SPATA16: variants seen among roughly 807,000 people sequenced by gnomAD.
The protein encoded by SPATA16 is spermatogenesis-associated protein 16.
Under a neutral mutation model 63.3 loss-of-function variants are expected in SPATA16, and 36 were observed. The observed-to-expected ratio is 0.57, with a 90% CI of 0.44 to 0.75. The LOEUF is 0.75. SPATA16 is among the 30% of genes least tolerant of loss of function. SPATA16 has a pLI of 0.00. For missense variants in SPATA16, 646 were observed against 679.3 expected (o/e 0.95, Z 0.54); for synonymous variants, 203 against 216.7 (o/e 0.94, Z 0.56).
At chr3:173,113,732 G>A (rs908020514) in intron 2 of SPATA16, among the ~76,000 whole-genome samples, 1 of 152,200 alleles carries the variant, frequency 6.6e-6, no homozygotes, top group Admixed American at 6.5e-5. Flanking sequence ...AGATGCATTG[G>A]AAATTGTTAT....
intron 3 of SPATA16, among the ~76,000 whole-genome samples, chr3:173,038,869 A>G (rs751355566): frequency 3.9e-5 from 6 of 152,186 alleles, no homozygotes; most frequent in Non-Finnish European, 8.8e-5. Context: ...ATATCATTTG[A>G]CACCTTTCAC....
intron 6 of SPATA16, among the ~76,000 whole-genome samples, chr3:172,949,812 T>A (rs1290164380): frequency 2.6e-5 from 4 of 152,066 alleles, no homozygotes; most frequent in African/African-American, 9.7e-5. Flanking sequence ...AAGAGACTCA[T>A]CAATTCATGA....
intron 3 of SPATA16, among the ~76,000 whole-genome samples, chr3:173,033,565 A>C (rs1173007343): frequency 6.6e-6 from 1 of 152,144 alleles, no homozygotes; most frequent in Non-Finnish European, 1.5e-5. Context: ...CCAAAGATGT[A>C]GATGTAAGGC....
chr3:172,977,979 TAA>T (rs959853805), intron 4 of SPATA16, among the ~76,000 whole-genome samples: 3 of 152,188 alleles, frequency 2.0e-5, no homozygotes, highest in Non-Finnish European at 4.4e-5. Context: ...TTTCTAAATA[TAA>T]GTTGTATAAG....
intron 3 of SPATA16, among the ~76,000 whole-genome samples, chr3:173,023,434 A>G (rs1174363084): frequency 2.0e-5 from 3 of 152,030 alleles, no homozygotes; most frequent in Non-Finnish European, 2.9e-5. Context: ...TTTAATTTCC[A>G]GAAGGGAAAC....
intron 10 of SPATA16, among the ~76,000 whole-genome samples, chr3:172,910,063 T>C (rs116467236): frequency 6.6e-6 from 1 of 151,552 alleles, no homozygotes; most frequent in South Asian, 2.1e-4. Context: ...TTGGGAGAGG[T>C]AATGCTCTAC....
At chr3:172,952,146 A>G (rs1313371147) in intron 6 of SPATA16, among the ~76,000 whole-genome samples, 1 of 152,158 alleles carries the variant, frequency 6.6e-6, no homozygotes, top group Non-Finnish European at 1.5e-5. Context: ...AGTGTGAGGT[A>G]GAGGAATAGA....
rs1001012067 is a variant in SPATA16, at chr3:172,932,904, C to T, written c.1082-7412G>A. 4.6e-5 allele frequency among the ~76,000 whole-genome samples: 7 copies of T among 152,194 alleles called. No homozygotes were observed. In the East Asian group the frequency reaches 1.2e-3, roughly 25 times the overall value. On this transcript the variant is annotated intron_variant, in intron 6 of 10. Coordinates refer to ENST00000351008, the MANE Select transcript of SPATA16 (RefSeq NM_031955.6). Reference sequence around the variant, plus strand: ...CTAATTTTCACTTCAGGCTGGTGGTCTACTTCTCCAAGATCAATTTTTGTA... The same window carrying T: ...CTAATTTTCACTTCAGGCTGGTGGTTTACTTCTCCAAGATCAATTTTTGTA...
intron 3 of SPATA16, among the ~76,000 whole-genome samples, chr3:173,020,247 G>A (rs558736481): frequency 3.3e-5 from 5 of 151,726 alleles, no homozygotes; most frequent in East Asian, 3.9e-4. Context: ...CAGTGAGATC[G>A]CGCCACTGCA....
intron 2 of SPATA16, among the ~76,000 whole-genome samples, chr3:173,092,758 A>G (rs1479978902): frequency 6.6e-6 from 1 of 152,178 alleles, no homozygotes; most frequent in East Asian, 1.9e-4. Flanking sequence ...ATTTGTGGTA[A>G]CTTGTTAGAA....
intron 5 of SPATA16, among the ~76,000 whole-genome samples, chr3:172,959,559 G>T (rs1383556156): frequency 1.3e-5 from 2 of 152,114 alleles, no homozygotes; most frequent in East Asian, 3.9e-4. Context: ...TTTACAAATA[G>T]AAATTGTATT....
At chr3:173,054,040 T>G (rs1736159599) in intron 2 of SPATA16, among the ~76,000 whole-genome samples, 1 of 151,992 alleles carries the variant, frequency 6.6e-6, no homozygotes, top group Non-Finnish European at 1.5e-5. Flanking sequence ...TAATTTTTCA[T>G]ATGCTCTGCT....
intron 4 of SPATA16, among the ~76,000 whole-genome samples, chr3:172,979,475 T>G (rs4634153): frequency 0.36 from 54,338 of 151,918 alleles, 9,910 homozygotes; most frequent in Middle Eastern, 0.41. Context: ...ATAAGAATTT[T>G]TATAATGTTA....
At chr3:173,101,263 A>G (rs1469025832) in intron 2 of SPATA16, among the ~76,000 whole-genome samples, 1 of 152,148 alleles carries the variant, frequency 6.6e-6, no homozygotes, top group African/African-American at 2.4e-5. Flanking sequence ...CCCTCTTTGA[A>G]TGAGACACTC....
chr3:173,136,722 T>C (rs182784977), intron 1 of SPATA16, among the ~76,000 whole-genome samples: 500 of 152,278 alleles, frequency 3.3e-3, no homozygotes, highest in Non-Finnish European at 5.8e-3. Flanking sequence ...TTGTTTGTTA[T>C]ATTAATTGGA....
chr3:173,059,515 T>C (rs1736325857), intron 2 of SPATA16, among the ~76,000 whole-genome samples: 1 of 151,994 alleles, frequency 6.6e-6, no homozygotes, highest in Admixed American at 6.6e-5. Flanking sequence ...TTGCTTTACT[T>C]AGGAAAAAAT....
At chr3:173,048,638 C>T (rs925651446) in intron 3 of SPATA16, among the ~76,000 whole-genome samples, 1 of 152,092 alleles carries the variant, frequency 6.6e-6, no homozygotes, top group Non-Finnish European at 1.5e-5. Flanking sequence ...ATCCCTCTTA[C>T]GATTCAATAC....
chr3:173,014,533 G>A (rs1046384253), intron 4 of SPATA16, among the ~76,000 whole-genome samples: 1 of 152,162 alleles, frequency 6.6e-6, no homozygotes, highest in Admixed American at 6.5e-5. Flanking sequence ...AAACCTCAGT[G>A]TCATGTAATA....
chr3:173,061,699 T>C (rs889385586), intron 2 of SPATA16, among the ~76,000 whole-genome samples: 16 of 152,224 alleles, frequency 1.1e-4, no homozygotes, highest in Non-Finnish European at 2.1e-4. Context: ...ATAACACCCA[T>C]TGGTTTTACA....
Sources: allele counts gnomAD v4.1 joint callset (sites outside exome capture counted in the v4.1 genomes callset), GRCh38; gene constraint gnomAD v4.1.1; transcripts MANE v1.5; gene names NCBI Gene and HGNC (gene_info 2026-07-23, HGNC 2026-07-21).